The following LIMCH1 variants were observed in gnomAD, a reference collection of about 807,000 sequenced individuals.
LIMCH1 encodes LIM and calponin homology domains 1, also known as LIM and calponin homology domains-containing protein 1.
A neutral mutation model predicts 176.5 loss-of-function variants in LIMCH1; 113 were observed. That is an observed-to-expected ratio of 0.64 (90% CI 0.55 to 0.75). The LOEUF is 0.75. Ranked by LOEUF, LIMCH1 falls within the 30% of genes least tolerant of loss-of-function variation. The pLI is 0.00. For missense variants in LIMCH1, 1,674 were observed against 1,814.9 expected (o/e 0.92, Z 1.41); for synonymous variants, 619 against 645.9 (o/e 0.96, Z 0.63).
At chr4:41,671,421 C>A in intron 21 of LIMCH1, 133 bp from the exon 22 acceptor site, 1 of 632,124 alleles carries the variant, frequency 1.6e-6, no homozygotes, top group Non-Finnish European at 2.8e-6. Flanking sequence ...CACACACACA[C>A]ACACACACAC....
At chr4:41,368,706 A>G (rs112418560) in intron 1 of LIMCH1, among the ~76,000 whole-genome samples, 20 of 152,126 alleles carry the variant, frequency 1.3e-4, no homozygotes, top group Admixed American at 3.3e-4. Flanking sequence ...TTGAAGGTAG[A>G]TATGTGTTGG....
intron 18 of LIMCH1, among the ~76,000 whole-genome samples, chr4:41,659,718 A>G (rs2094557950): frequency 6.6e-6 from 1 of 152,192 alleles, no homozygotes; most frequent in African/African-American, 2.4e-5. Flanking sequence ...ACACTTTAAA[A>G]TTTAACTTTA....
intron 1 of LIMCH1, among the ~76,000 whole-genome samples, chr4:41,562,935 A>T (rs749606440): frequency 1.3e-5 from 2 of 152,304 alleles, no homozygotes; most frequent in South Asian, 2.1e-4. Flanking sequence ...GCAGAATGTT[A>T]TGAAAGGATT....
At chr4:41,497,076 TA>T (rs1047873086) in intron 2 of LIMCH1, among the ~76,000 whole-genome samples, 1 of 152,238 alleles carries the variant, frequency 6.6e-6, no homozygotes, top group Non-Finnish European at 1.5e-5. Flanking sequence ...ATATAGGCTT[TA>T]AAAAATTATT....
chr4:41,370,856 A>G (rs914420639), intron 1 of LIMCH1, among the ~76,000 whole-genome samples: 1 of 152,158 alleles, frequency 6.6e-6, no homozygotes, highest in African/African-American at 2.4e-5. Flanking sequence ...CCTGATATAT[A>G]AGATACTTCT....
chr4:41,510,001 G>A (rs774106403), intron 2 of LIMCH1, among the ~76,000 whole-genome samples: 3 of 152,136 alleles, frequency 2.0e-5, no homozygotes, highest in Admixed American at 6.5e-5. Flanking sequence ...AAAATTATAC[G>A]ATCCTTGTCA....
chr4:41,639,058 C>T (rs537012108), intron 14 of LIMCH1, 91 bp downstream of exon 14: 194 of 941,070 alleles, frequency 2.1e-4, no homozygotes, highest in Non-Finnish European at 1.2e-4. Flanking sequence ...GCAACTGATG[C>T]AAGTGAACTG....
At chr4:41,695,172 A>G (rs1420027441) in intron 31 of LIMCH1, among the ~76,000 whole-genome samples, 1 of 151,674 alleles carries the variant, frequency 6.6e-6, no homozygotes, top group Non-Finnish European at 1.5e-5. Context: ...TCTGTGATTT[A>G]TTTTCATACA....
In LIMCH1 at chr4:41,662,963, G is replaced by A. The variant is rs754957561; in HGVS notation, c.3270G>A (p.Val1090=). The change falls in exon 20 of 32, where the codon GTG becomes GTA. Residue 1090 remains valine, a synonymous_variant. Transcript: ENST00000503057. The stretch of plus-strand genomic sequence containing the variant: ...CAGAAAATGAAATGAGTGGAAAGGT[G>A]GAGTTGGTGCTGTCACAAAAGGTGA... ...KKPENEMSGK[V]ELVLSQKVVK... is the part of the protein sequence containing the mutation. The A allele has an allele frequency of 1.2e-6, 2 of 1,613,834 alleles. No homozygotes were observed. Among genetic ancestry groups the A allele is most frequent in the Non-Finnish European group, 1.7e-6 (2 of 1,179,864 alleles).
intron 1 of LIMCH1, chr4:41,418,803 T>TAGAG (rs60898077): frequency 1.7e-4 from 18 of 106,028 alleles, no homozygotes; most frequent in Admixed American, 6.7e-4. Context: ...CGGTGAGAGA[T>TAGAG]AGAGAGAGAG....
intron 22 of LIMCH1, 107 bp from the exon 23 acceptor site, chr4:41,676,275 G>C: frequency 1.4e-6 from 1 of 740,598 alleles, no homozygotes; most frequent in Non-Finnish European, 2.3e-6. Context: ...TTCTGCTCCT[G>C]TGTGTCAATC....
At chr4:41,554,496 C>G (rs1007054492) in intron 1 of LIMCH1, among the ~76,000 whole-genome samples, 6 of 152,108 alleles carry the variant, frequency 3.9e-5, no homozygotes, top group Admixed American at 2.0e-4. Context: ...CCTGTACAAC[C>G]TTCCTCTAGG....
At position 41,661,522 on chromosome 4, in the gene LIMCH1, A is replaced by G; in HGVS notation, c.3127+12A>G. 2 of 1,554,790 alleles carry G rather than the reference A, an allele frequency of 1.3e-6. No individual in the cohort carries two copies. The highest frequency in any genetic ancestry group is 1.8e-6 in the Non-Finnish European group (2 of 1,128,438). On this transcript the variant is annotated intron_variant, in intron 19 of 31. Coordinates refer to ENST00000503057, the MANE Select transcript of LIMCH1 (RefSeq NM_001330672.2). ...ACTTGCCTCATCAGGTTTGTTTCAT[A>G]AGAGACTAGTTTTAAGGCAAATCAT...
chr4:41,646,426 AG>A, intron 16 of LIMCH1, 58 bp from the exon 17 acceptor site: 1 of 1,574,350 alleles, frequency 6.4e-7, no homozygotes, highest in East Asian at 2.2e-5. Context: ...GTTTCTACCA[AG>A]GTCTTCTTTG....
intron 1 of LIMCH1, among the ~76,000 whole-genome samples, chr4:41,492,884 T>A (rs2071348659): frequency 6.6e-6 from 1 of 152,162 alleles, no homozygotes; most frequent in Non-Finnish European, 1.5e-5. Context: ...CTGTTGTTAT[T>A]TTTCTTCTGA....
At chr4:41,563,354 A>G (rs1011024226) in intron 1 of LIMCH1, among the ~76,000 whole-genome samples, 1 of 152,210 alleles carries the variant, frequency 6.6e-6, no homozygotes, top group African/African-American at 2.4e-5. Context: ...TTATCCTGAC[A>G]TCCATACTCT....
intron 22 of LIMCH1, among the ~76,000 whole-genome samples, chr4:41,673,824 G>A (rs957467840): frequency 1.3e-5 from 2 of 152,198 alleles, no homozygotes; most frequent in African/African-American, 2.4e-5. Context: ...CAGGTAAATT[G>A]TAGGACAAAG....
chr4:41,655,290 GCATA>G (rs1935426167), intron 18 of LIMCH1, among the ~76,000 whole-genome samples: 1 of 152,136 alleles, frequency 6.6e-6, no homozygotes, highest in South Asian at 2.1e-4. Context: ...TATAATAATA[GCATA>G]GACATCAGAT....
At chr4:41,643,096 G>T (rs1333330941) in intron 14 of LIMCH1, among the ~76,000 whole-genome samples, 1 of 152,184 alleles carries the variant, frequency 6.6e-6, no homozygotes, top group African/African-American at 2.4e-5. Flanking sequence ...TCCAACATCT[G>T]GAGAGCAGAG....
Sources: allele counts gnomAD v4.1 joint callset (sites outside exome capture counted in the v4.1 genomes callset), GRCh38; gene constraint gnomAD v4.1.1; transcripts MANE v1.5; gene names NCBI Gene and HGNC (gene_info 2026-07-23, HGNC 2026-07-21).